ARHGEF18: variants seen among roughly 807,000 people sequenced by gnomAD.
ARHGEF18 encodes the protein Rho/Rac guanine nucleotide exchange factor 18.
A neutral mutation model predicts 155.7 loss-of-function variants in ARHGEF18; 93 were observed. The observed-to-expected ratio is 0.60, with a 90% CI of 0.50 to 0.71. The LOEUF is 0.71. ARHGEF18 is among the 30% of genes least tolerant of loss of function. The pLI, the probability that ARHGEF18 is intolerant of heterozygous loss-of-function variation, is 0.00. For missense variants in ARHGEF18, 1,593 were observed against 1,816.1 expected (o/e 0.88, Z 2.23); for synonymous variants, 742 against 753.1 (o/e 0.99, Z 0.24).
intron 10 of ARHGEF18, chr19:7,390,769 T>TG (rs1971359262): frequency 6.6e-6 from 1 of 151,992 alleles, no homozygotes; most frequent in Non-Finnish European, 1.5e-5. Context: ...AAGCCAGGTG[T>TG]GGTGGCTTAC....
chr19:7,466,458 G>A (rs2047923529), intron 23 of ARHGEF18, among the ~76,000 whole-genome samples: 2 of 149,400 alleles, frequency 1.3e-5, no homozygotes, highest in South Asian at 2.1e-4. Context: ...TCAGGAGGCC[G>A]AGGTGGGAGG....
chr19:7,366,244 GC>G (rs1969881766), intron 2 of ARHGEF18, among the ~76,000 whole-genome samples: 1 of 152,190 alleles, frequency 6.6e-6, no homozygotes, highest in Non-Finnish European at 1.5e-5. Flanking sequence ...ACGGCGCCCA[GC>G]CAGCAAGCTG....
At chr19:7,406,232 G>A (rs1305081693) in intron 10 of ARHGEF18, among the ~76,000 whole-genome samples, 4 of 152,064 alleles carry the variant, frequency 2.6e-5, no homozygotes, top group South Asian at 2.1e-4. Flanking sequence ...TTACAGGCGC[G>A]TGCCACCACG....
chr19:7,440,322 T>G lies in ARHGEF18; in HGVS notation c.968-22T>G. ...CCCGACCCACTTTCTCAGCACCAAC[T>G]CTGTCCTTGCCTCTGTCACAGCCTC... On this transcript the variant is annotated intron_variant, in intron 10 of 28. Transcript: ENST00000668164. The surrounding 1 kb of genome is among the most constrained non-coding windows in gnomAD (Gnocchi z 5.4). 1 of 1,608,984 alleles carries G rather than the reference T, an allele frequency of 6.2e-7. No individual in the cohort carries two copies. Among genetic ancestry groups the G allele is most frequent in the Non-Finnish European group, 8.5e-7 (1 of 1,177,778 alleles).
intron 10 of ARHGEF18, chr19:7,439,646 G>T (rs1974499007): frequency 8.9e-7 from 1 of 1,125,074 alleles, no homozygotes; most frequent in African/African-American, 1.6e-5. Flanking sequence ...CGTCCACTTC[G>T]ATGCTAGAAT....
chr19:7,382,554 T>C (rs1970799783), intron 8 of ARHGEF18, among the ~76,000 whole-genome samples: 1 of 152,232 alleles, frequency 6.6e-6, no homozygotes, highest in South Asian at 2.1e-4. Flanking sequence ...TCACGTTGCA[T>C]TTCCCTCTGT....
chr19:7,412,815 T>A (rs113100826), intron 10 of ARHGEF18, among the ~76,000 whole-genome samples: 2,425 of 152,134 alleles, frequency 0.016, 25 homozygotes, highest in South Asian at 0.051. Context: ...TTGCTTTGCG[T>A]TTCCCTGGTG....
In ARHGEF18 at chr19:7,469,054, C is replaced by T. The variant is rs769892777; in HGVS notation, c.3710C>T (p.Thr1237Ile). The change falls in exon 27 of 29, where the codon ACC becomes ATC. Residue 1237 changes from threonine to isoleucine, a missense_variant. Transcript: ENST00000668164. ...RQAAVQQQIP[T>I]KLAASTKGGK... ...GCGGCCGTGCAGCAGCAGATCCCCA[C>T]CAAGCTGGCGGCCTCCACCAAGGGT... is the stretch of plus-strand genomic sequence containing the variant. 6.2e-7 allele frequency: 1 copy of T among 1,607,368 alleles called. No individual in the cohort carries two copies. Among genetic ancestry groups the T allele is most frequent in the Non-Finnish European group, 8.5e-7 (1 of 1,177,894 alleles).
chr19:7,441,784 T>C lies in ARHGEF18; in HGVS notation c.1219+19T>C, dbSNP rs761428622. ...GTAGAAGGTATGGTCATCTCCGCTC[T>C]CTCGCGGCTGCCACACAGTTCCTGT... is the stretch of plus-strand genomic sequence containing the variant. On this transcript the variant is annotated intron_variant, in intron 12 of 28. Transcript: ENST00000668164. 32 of 1,613,276 alleles carry C rather than the reference T, an allele frequency of 2.0e-5. No homozygotes were observed. In the South Asian group the frequency reaches 3.2e-4, roughly 16 times the overall value.
intron 1 of ARHGEF18, among the ~76,000 whole-genome samples, chr19:7,361,521 G>C (rs903854385): frequency 6.6e-6 from 1 of 152,090 alleles, no homozygotes; most frequent in African/African-American, 2.4e-5. Context: ...CCTAGGTAAC[G>C]ACCCAAGACA....
intron 10 of ARHGEF18, chr19:7,394,891 C>T (rs1316663820): frequency 9.9e-6 from 2 of 201,518 alleles, no homozygotes; most frequent in Non-Finnish European, 1.8e-5. Context: ...AGCCCCCCAA[C>T]CCCGCTGACC....
chr19:7,378,720 TCTCA>T (rs903608356), intron 6 of ARHGEF18, among the ~76,000 whole-genome samples: 1 of 122,472 alleles, frequency 8.2e-6, no homozygotes, highest in Non-Finnish European at 1.6e-5. Flanking sequence ...TGAGATAGGG[TCTCA>T]CTCTGTCACC....
chr19:7,399,953 G>T (rs757939882), intron 10 of ARHGEF18, among the ~76,000 whole-genome samples: 5 of 151,818 alleles, frequency 3.3e-5, no homozygotes, highest in Non-Finnish European at 7.4e-5. Flanking sequence ...TTGTATTTTT[G>T]TGTGTGTGTT....
At chr19:7,431,072 C>T (rs142298518) in intron 10 of ARHGEF18, among the ~76,000 whole-genome samples, 12 of 151,920 alleles carry the variant, frequency 7.9e-5, no homozygotes, top group African/African-American at 2.4e-4. Context: ...GAGGATCACT[C>T]GAGACAAGGA....
At chr19:7,382,245 A>C (rs1970780900) in intron 8 of ARHGEF18, among the ~76,000 whole-genome samples, 1 of 151,804 alleles carries the variant, frequency 6.6e-6, no homozygotes, top group Admixed American at 6.6e-5. Flanking sequence ...AATACAAAAC[A>C]ATTAGCTGGG....
intron 17 of ARHGEF18, among the ~76,000 whole-genome samples, chr19:7,455,283 AAGAG>A (rs1975758722): frequency 6.6e-6 from 1 of 152,182 alleles, no homozygotes; most frequent in South Asian, 2.1e-4. Context: ...ACTGGGCTGA[AAGAG>A]AGAAACAAGC....
At chr19:7,442,498 C>G (rs7247211) in intron 13 of ARHGEF18, among the ~76,000 whole-genome samples, 93,374 of 152,082 alleles carry the variant, frequency 0.61, 29,110 homozygotes, top group Middle Eastern at 0.76. Flanking sequence ...GCCTCCCAAA[C>G]TATTGGGATT....
intron 10 of ARHGEF18, among the ~76,000 whole-genome samples, chr19:7,428,650 C>T (rs1402963600): frequency 2.0e-5 from 3 of 151,920 alleles, no homozygotes; most frequent in Non-Finnish European, 1.5e-5. Context: ...GAGGCTGCAG[C>T]GAGCTATGAC....
intron 27 of ARHGEF18, among the ~76,000 whole-genome samples, 163 bp downstream of exon 27, chr19:7,469,294 G>A (rs9677012): frequency 2.9e-3 from 439 of 152,338 alleles, no homozygotes; most frequent in African/African-American, 0.01. Flanking sequence ...ACACAGGGCC[G>A]TGTTTGGTCT....
Sources: gnomAD v4.1 joint callset for allele counts (sites outside exome capture counted in the v4.1 genomes callset) on GRCh38, gnomAD v4.1.1 for gene constraint, Gnocchi (gnomAD v3.1) non-coding constraint, MANE v1.5 for transcripts, NCBI Gene and HGNC (gene_info 2026-07-23, HGNC 2026-07-21) for gene names.